Variants in FGF13 observed in about 807,000 individuals in gnomAD.
FGF13 encodes fibroblast growth factor 13.
Under a neutral mutation model 19.5 loss-of-function variants are expected in FGF13, and 2 were observed. The observed-to-expected ratio is 0.10, with a 90% CI of 0.04 to 0.32. The LOEUF is 0.32. FGF13 is among the 10% of genes least tolerant of loss of function. The probability of loss-of-function intolerance (pLI) is 1.00; values close to 1 mark genes in which losing one functional copy is unlikely to be tolerated. For synonymous variants in FGF13, 72 were observed against 76.9 expected (o/e 0.94, Z 0.33); for missense variants, 113 against 192.7 (o/e 0.59, Z 2.45).
At chrX:139,187,733 T>C (rs2084293423) in intron 1 of FGF13, among the ~76,000 whole-genome samples, 1 of 112,295 alleles carries the variant, frequency 8.9e-6, no homozygotes, top group Non-Finnish European at 1.9e-5. Context: ...ATGCATTTCT[T>C]CCTACCAGGG....
chrX:138,907,973 G>C (rs974779829), intron 1 of FGF13, among the ~76,000 whole-genome samples: 1 of 110,990 alleles, frequency 9.0e-6, no homozygotes, highest in African/African-American at 3.3e-5. Flanking sequence ...CAGAAAGAGA[G>C]GTATTTGCTA....
chrX:139,130,830 C>A (rs1193621436), intron 1 of FGF13, among the ~76,000 whole-genome samples: 1 of 111,592 alleles, frequency 9.0e-6, no homozygotes, highest in Non-Finnish European at 1.9e-5. Context: ...AATAAATTAT[C>A]CAAGAATAGT....
chrX:138,793,567 T>A (rs1452196599), intron 3 of FGF13, among the ~76,000 whole-genome samples: 1 of 111,779 alleles, frequency 8.9e-6, no homozygotes. Context: ...TTCTTGATAA[T>A]TCTGAATGTA....
intron 1 of FGF13, among the ~76,000 whole-genome samples, chrX:139,094,962 C>A (rs759592313): frequency 6.2e-5 from 7 of 112,736 alleles, no homozygotes; most frequent in Non-Finnish European, 1.3e-4. Context: ...TCCTAGCCAG[C>A]AGAGCTCTGT....
chrX:138,926,431 A>G (rs1603037673), intron 1 of FGF13, among the ~76,000 whole-genome samples: 1 of 112,055 alleles, frequency 8.9e-6, no homozygotes, highest in Admixed American at 9.5e-5. Flanking sequence ...AATTTGATGA[A>G]AAAAGAAAAA....
intron 1 of FGF13, among the ~76,000 whole-genome samples, chrX:139,064,939 T>A (rs1241414665): frequency 9.0e-6 from 1 of 111,491 alleles, no homozygotes; most frequent in African/African-American, 3.3e-5. Flanking sequence ...ATCTCTCATA[T>A]CCTTTCTTCC....
At chrX:139,164,360 T>C (rs1224696514) in intron 1 of FGF13, among the ~76,000 whole-genome samples, 1 of 111,084 alleles carries the variant, frequency 9.0e-6, no homozygotes, top group Admixed American at 9.7e-5. Context: ...TTAATCTTTT[T>C]TTCTTAAGGT....
intron 3 of FGF13, among the ~76,000 whole-genome samples, chrX:138,646,290 A>G (rs927611502): frequency 8.9e-6 from 1 of 112,134 alleles, no homozygotes; most frequent in African/African-American, 3.2e-5. Context: ...ATGCTAATAC[A>G]CTGGAACCTG....
intron 1 of FGF13, among the ~76,000 whole-genome samples, chrX:138,872,042 C>T (rs907115007): frequency 9.0e-6 from 1 of 111,730 alleles, no homozygotes; most frequent in Non-Finnish European, 1.9e-5. Context: ...TAGGAGGCTA[C>T]GGCTATAATC....
chrX:138,769,821 A>G (rs992910221), intron 3 of FGF13, among the ~76,000 whole-genome samples: 4 of 112,416 alleles, frequency 3.6e-5, no homozygotes, highest in African/African-American at 1.3e-4. Flanking sequence ...GCTGCCCACT[A>G]TCAATGAATC....
chrX:138,935,673 G>A (rs745974790), intron 1 of FGF13, among the ~76,000 whole-genome samples: 44 of 111,493 alleles, frequency 3.9e-4, no homozygotes, highest in African/African-American at 1.4e-3. Context: ...TTTTCTTGGT[G>A]TATAGTTCTA....
chrX:138,906,191 C>T (rs754152148), intron 1 of FGF13, among the ~76,000 whole-genome samples: 9 of 111,526 alleles, frequency 8.1e-5, no homozygotes, highest in East Asian at 2.8e-4. Context: ...CCAAAGGCCA[C>T]GGAGGCAAGT....
chrX:138,896,492 A>T (rs2091504974), intron 1 of FGF13, among the ~76,000 whole-genome samples: 1 of 111,496 alleles, frequency 9.0e-6, no homozygotes, highest in African/African-American at 3.3e-5. Context: ...CGCCAAATTA[A>T]TCTTCATAAA....
intron 1 of FGF13, among the ~76,000 whole-genome samples, chrX:138,968,467 C>G (rs1209750779): frequency 8.9e-6 from 1 of 111,817 alleles, no homozygotes; most frequent in Non-Finnish European, 1.9e-5. Flanking sequence ...TTTTTATTTC[C>G]TTTTTTCTGT....
chrX:138,872,631 T>C (rs1259332977), intron 1 of FGF13, among the ~76,000 whole-genome samples: 1 of 112,123 alleles, frequency 8.9e-6, no homozygotes, highest in East Asian at 2.8e-4. Flanking sequence ...AGAGCTTACA[T>C]GGGGCAGGGG....
At chrX:138,759,377 T>C (rs1225756217) in intron 3 of FGF13, among the ~76,000 whole-genome samples, 1 of 112,549 alleles carries the variant, frequency 8.9e-6, no homozygotes, top group Admixed American at 9.4e-5. Flanking sequence ...GAGGGAGCTA[T>C]TTATAGTAAG....
At chrX:139,184,255 T>C (rs1046273712) in intron 1 of FGF13, among the ~76,000 whole-genome samples, 1 of 111,831 alleles carries the variant, frequency 8.9e-6, no homozygotes, top group Non-Finnish European at 1.9e-5. Context: ...AACCAGAGAC[T>C]ACATTTGAAA....
chrX:138,854,290 A>T (rs752618960), downstream of FGF13, among the ~76,000 whole-genome samples: 10 of 111,800 alleles, frequency 8.9e-5, no homozygotes, highest in Non-Finnish European at 1.5e-4. Context: ...CAGATTAAAA[A>T]TTTTTTTGGA....
rs2091982501 is a variant in FGF13 at position 138,984,588 on chromosome X, A to AAGAAGG, written c.-112-119939_-112-119938insCCTTCT. On this transcript the variant is annotated intron_variant, in intron 1 of 2. Transcript: ENST00000421460. ...GAAGAAGAAGAAGAAGAAGAAGAAG[A>AAGAAGG]AGGAGGAGGAGGAGGAGGAGGAGGA... Among the ~76,000 whole-genome samples the AAGAAGG allele has an allele frequency of 1.8e-3, 21 of 11,497 alleles. 2 individuals are homozygous for AAGAAGG. The highest frequency in any genetic ancestry group is 3.1e-3 in the Admixed American group (4 of 1,297). The allele number at this position is 11,497 out of a possible 115,157, so 10.0% of individuals were successfully genotyped here.
Sources: gnomAD v4.1 joint callset for allele counts (sites outside exome capture counted in the v4.1 genomes callset) on GRCh38, gnomAD v4.1.1 for gene constraint, MANE v1.5 for transcripts, NCBI Gene and HGNC (gene_info 2026-07-23, HGNC 2026-07-21) for gene names.